The following POLRMT variants were observed in gnomAD, a reference collection of about 807,000 sequenced individuals.
POLRMT encodes the protein DNA-directed RNA polymerase, mitochondrial.
POLRMT carries 114 observed loss-of-function variants against 132.2 expected under a neutral mutation model. The observed-to-expected ratio is 0.86, with a 90% CI of 0.74 to 1.01. POLRMT has a LOEUF of 1.01. Among genes scored for constraint, POLRMT ranks in the 50% least tolerant of loss-of-function variants. POLRMT has a pLI of 0.00. For synonymous variants in POLRMT, 1,020 were observed against 773.4 expected, an observed-to-expected ratio of 1.32 and a Z score of -5.29; for missense variants, 2,003 against 1,729.1, an observed-to-expected ratio of 1.16 and a Z score of -2.81.
At chr19:626,136 T>A (rs949801973) in intron 3 of POLRMT, among the ~76,000 whole-genome samples, 1 of 152,054 alleles carries the variant, frequency 6.6e-6, no homozygotes, top group South Asian at 2.1e-4. Flanking sequence ...CATAGTTTAC[T>A]TCTTCTTTGG....
chr19:630,792 C>T (rs1478601315), intron 2 of POLRMT, among the ~76,000 whole-genome samples: 2 of 152,212 alleles, frequency 1.3e-5, no homozygotes, highest in East Asian at 1.9e-4. Context: ...CTGCTCGTGC[C>T]GCCTCAGGTT....
At chr19:631,366 G>A (rs1203707249) in intron 2 of POLRMT, among the ~76,000 whole-genome samples, 1 of 148,516 alleles carries the variant, frequency 6.7e-6, no homozygotes, top group African/African-American at 2.5e-5. Context: ...GTGTCCAGAT[G>A]TGGTGGCTCA....
chr19:619,647 G>T lies in POLRMT; in HGVS notation c.3005C>A (p.Thr1002Lys). 6.2e-7 allele frequency: 1 copy of T among 1,610,850 alleles called. No individual in the cohort carries two copies. The highest frequency in any genetic ancestry group is 8.5e-7 in the Non-Finnish European group (1 of 1,179,660). ...QTVMTVVYGV[T>K]RYGGRLQIEK... ...AATCTGCAGGCGCCCGCCATAGCGC[G>T]TGACCCCGTACACCACCGTCATCAC... The change falls in exon 13 of 21, where the codon ACG (threonine) becomes AAG (lysine). Residue 1002 changes from threonine (T) to lysine (K), a missense_variant. Coordinates refer to ENST00000588649, the MANE Select transcript of POLRMT (RefSeq NM_005035.4).
At chr19:618,449 G>A (rs1984191363) in intron 17 of POLRMT, 39 bp downstream of exon 17, 9 of 1,486,516 alleles carry the variant, frequency 6.1e-6, no homozygotes, top group Non-Finnish European at 7.4e-6. Context: ...AGACGCCCCT[G>A]GGAGGCGAGC....
intron 18 of POLRMT, 60 bp downstream of exon 18, chr19:617,717 C>T: frequency 6.2e-7 from 1 of 1,611,570 alleles, no homozygotes; most frequent in Non-Finnish European, 8.5e-7. Context: ...CACCCCTACC[C>T]AACGCCCCAG....
chr19:621,873 G>C, intron 9 of POLRMT, 27 bp from the exon 10 acceptor site: 4 of 1,598,816 alleles, frequency 2.5e-6, no homozygotes, highest in Non-Finnish European at 1.7e-6. Flanking sequence ...AGACGGGTCA[G>C]GGCCCCGGTG....
At chr19:623,078 T>TC (rs1984756951) in intron 6 of POLRMT, 93 bp from the exon 7 acceptor site, 1 of 1,421,906 alleles carries the variant, frequency 7.0e-7, no homozygotes, top group Non-Finnish European at 9.5e-7. Context: ...TGCAGAGACC[T>TC]CATGGCCCTC....
chr19:624,627 C>T (rs542888460), intron 5 of POLRMT, 92 bp downstream of exon 5: 172 of 1,407,156 alleles, frequency 1.2e-4, no homozygotes, highest in Middle Eastern at 1.1e-3. Flanking sequence ...GCCCTGGGCA[C>T]CGGGGAGGCC....
At chr19:632,769 G>C (rs956612886) in intron 2 of POLRMT, 65 bp downstream of exon 2, 4 of 1,369,246 alleles carry the variant, frequency 2.9e-6, no homozygotes, top group South Asian at 2.6e-5. Context: ...CTGAGCCTTT[G>C]CCTTTTCTCC....
chr19:618,789 C>G, intron 15 of POLRMT, 29 bp from the exon 16 acceptor site: 1 of 1,572,620 alleles, frequency 6.4e-7, no homozygotes, highest in Non-Finnish European at 8.6e-7. Flanking sequence ...CGGTGAGTCC[C>G]ACCCGAGGCC....
At chr19:628,081 C>A (rs1055344309) in intron 3 of POLRMT, among the ~76,000 whole-genome samples, 1 of 152,326 alleles carries the variant, frequency 6.6e-6, no homozygotes, top group South Asian at 2.1e-4. Flanking sequence ...CGCAGTCCAG[C>A]GACATCCAGG....
At chr19:618,824 TG>T in intron 15 of POLRMT, 64 bp from the exon 16 acceptor site, 1 of 1,525,792 alleles carries the variant, frequency 6.6e-7, no homozygotes, top group East Asian at 2.4e-5. Context: ...TACATTGAGG[TG>T]GTGGTACACT....
rs891297285 is a variant in POLRMT, at chr19:619,649, G to A, written c.3003C>T (p.Val1001=). ...KQTVMTVVYG[V]TRYGGRLQIE... Reference sequence around the variant, plus strand: ...TCTGCAGGCGCCCGCCATAGCGCGTGACCCCGTACACCACCGTCATCACCG... The same window carrying A: ...TCTGCAGGCGCCCGCCATAGCGCGTAACCCCGTACACCACCGTCATCACCG... Residue 1001 remains valine (V), a synonymous_variant, in exon 13 of 21, where the codon GTC becomes GTT. Coordinates refer to ENST00000588649, the MANE Select transcript of POLRMT (RefSeq NM_005035.4). 2 of 1,610,686 alleles carry A rather than the reference G, an allele frequency of 1.2e-6. No individual in the cohort carries two copies.
intron 4 of POLRMT, 103 bp downstream of exon 4, chr19:625,021 A>C (rs543852240): frequency 6.6e-7 from 1 of 1,519,194 alleles, no homozygotes; most frequent in Non-Finnish European, 8.9e-7. Flanking sequence ...TGTGGCTGTC[A>C]GGCCCTCTGG....
rs1157433138 is a variant in POLRMT, at chr19:623,563, T to C, written c.1181A>G (p.Lys394Arg). The C allele has an allele frequency of 1.9e-6, 3 of 1,613,580 alleles. No homozygotes were observed. The highest frequency in any genetic ancestry group is 2.5e-6 in the Non-Finnish European group (3 of 1,179,990). ...VSYPKLHLPL[K>R]TLQCLFEKQL... ...CTTCTCAAAGAGGCACTGCAGGGTC[T>C]TCAAGGGCAGGTGCAGCTTCGGGTA... Residue 394 changes from lysine to arginine, a missense_variant, in exon 6 of 21, where the codon AAG (lysine) becomes AGG (arginine). Lys to Arg is a conservative substitution (Grantham distance 26, BLOSUM62 2). Transcript: ENST00000588649.
chr19:622,754 T>A lies in POLRMT; in HGVS notation c.1456-2A>T. On this transcript the variant is annotated splice_acceptor_variant, in intron 7 of 20. Transcript: ENST00000588649. LOFTEE classifies it high-confidence loss of function. ...TTGGGCGGGCAGCGCCTGCAGGACC[T>A]GCGGAAGGCAGCCGTGAGTGCCTGC... 1.3e-6 allele frequency: 2 copies of A among 1,584,298 alleles called. No individual in the cohort carries two copies. The highest frequency in any genetic ancestry group is 1.7e-6 in the Non-Finnish European group (2 of 1,167,222).
rs747728529 is a variant in POLRMT at position 619,320 on chromosome 19, C to T, written c.3067-24G>A. On this transcript the variant is annotated intron_variant, in intron 13 of 20. Coordinates refer to ENST00000588649, the MANE Select transcript of POLRMT (RefSeq NM_005035.4). ...TCCTGCAGAGGGCGGGCAGCAGGTG[C>T]AGGTCCTCAGGGGCTGGCCCGTTCA... The T allele has an allele frequency of 8.7e-6, 14 of 1,604,242 alleles. No homozygotes were observed. In the South Asian group the frequency reaches 1.3e-4, roughly 15 times the overall value.
At position 620,299 on chromosome 19, in the gene POLRMT, C is replaced by G. The variant is rs539330559; in HGVS notation, c.2763+66G>C. ...CACGAGCGAAGGTGAAATCTCACAC[C>G]CTCAAGTCGAGCCCCAGGCCCAGTG... is the stretch of plus-strand genomic sequence containing the variant. On this transcript the variant is annotated intron_variant, in intron 11 of 20. Coordinates refer to ENST00000588649, the MANE Select transcript of POLRMT (RefSeq NM_005035.4). The G allele has an allele frequency of 1.3e-4, 199 of 1,483,356 alleles. 4 individuals carry two copies. The South Asian group carries it at 2.4e-3, about 18-fold the overall frequency. 91.9% of individuals were successfully genotyped at this position (1,483,356 alleles called of 1,614,324 possible). A position where few individuals can be genotyped will look rare whatever the true frequency, so the allele number is the denominator to read the frequency against.
At position 618,807 on chromosome 19, in the gene POLRMT, G is replaced by A. The variant is rs1404711496; in HGVS notation, c.3268-47C>T. ...TGAGTCCCACCCGAGGCCCAGCACG[G>A]TGGTGGTACATTGAGGTGGTGGTAC... On this transcript the variant is annotated intron_variant, in intron 15 of 20. Coordinates refer to ENST00000588649, the MANE Select transcript of POLRMT (RefSeq NM_005035.4). The A allele has an allele frequency of 1.1e-5, 17 of 1,544,530 alleles. 1 individual carries two copies. The South Asian group carries it at 1.8e-4, about 16-fold the overall frequency.
Sources: gnomAD v4.1 joint callset for allele counts (sites outside exome capture counted in the v4.1 genomes callset) on GRCh38, gnomAD v4.1.1 for gene constraint, MANE v1.5 for transcripts, NCBI Gene and HGNC (gene_info 2026-07-23, HGNC 2026-07-21) for gene names.